The following SFMBT2 variants were observed in gnomAD, a reference collection of about 807,000 sequenced individuals.
SFMBT2 encodes Scm like with four mbt domains 2.
A neutral mutation model predicts 110.1 loss-of-function variants in SFMBT2; 38 were observed. That is an observed-to-expected ratio of 0.35 (90% CI 0.27 to 0.45). SFMBT2 has a LOEUF of 0.45. Among genes scored for constraint, SFMBT2 ranks in the 20% least tolerant of loss-of-function variants. The pLI, the probability that SFMBT2 is intolerant of heterozygous loss-of-function variation, is 1.00. For missense variants in SFMBT2, 1,011 were observed against 1,094.9 expected (o/e 0.92, Z 1.08); for synonymous variants, 425 against 425.4 (o/e 1.00, Z 0.01).
At chr10:7,273,716 G>A (rs937181885) in intron 7 of SFMBT2, among the ~76,000 whole-genome samples, 4 of 152,172 alleles carry the variant, frequency 2.6e-5, no homozygotes, top group South Asian at 2.1e-4. Context: ...AACATGCGGT[G>A]TTTGATTTTC....
intron 4 of SFMBT2, among the ~76,000 whole-genome samples, chr10:7,350,036 C>T (rs1844257914): frequency 6.6e-6 from 1 of 152,184 alleles, no homozygotes; most frequent in Non-Finnish European, 1.5e-5. Context: ...CCTCTCCAAG[C>T]TTGCTTCATT....
chr10:7,324,845 G>A (rs773298573), intron 4 of SFMBT2, among the ~76,000 whole-genome samples: 9 of 152,116 alleles, frequency 5.9e-5, no homozygotes, highest in Admixed American at 2.0e-4. Context: ...GAAGGGAGGC[G>A]GAGGGAGAGT....
chr10:7,228,915 A>G (rs1392230193), intron 9 of SFMBT2, among the ~76,000 whole-genome samples: 1 of 152,072 alleles, frequency 6.6e-6, no homozygotes, highest in Non-Finnish European at 1.5e-5. Flanking sequence ...ATTATACCTA[A>G]GAAAGGCATA....
rs544638181 is a variant in SFMBT2 at position 7,383,510 on chromosome 10, T to C, written c.-51-1561A>G. Among the ~76,000 whole-genome samples the C allele has an allele frequency of 2.0e-5, 3 of 152,294 alleles. No individual in the cohort carries two copies. The East Asian group carries it at 5.8e-4, about 29-fold the overall frequency. ...GCATTGAGCTATCCACCTGTTGTAT[T>C]TAACGTACTATACCAGACACTGTGG... On this transcript the variant is annotated intron_variant, in intron 1 of 20. Transcript: ENST00000397167.
At chr10:7,373,942 T>C (rs1845131944) in intron 2 of SFMBT2, among the ~76,000 whole-genome samples, 1 of 152,050 alleles carries the variant, frequency 6.6e-6, no homozygotes, top group African/African-American at 2.4e-5. Context: ...CAAGTTGTCC[T>C]GGGTGACTCC....
At position 7,171,371 on chromosome 10, in the gene SFMBT2, G is replaced by A; in HGVS notation, c.2416-315C>T. On this transcript the variant is annotated intron_variant, in intron 19 of 20. Coordinates refer to ENST00000397167, the MANE Select transcript of SFMBT2 (RefSeq NM_001387889.1). This position sits in a 1 kb window ranked among gnomAD's most constrained non-coding sequence, Gnocchi z 4.9. The stretch of plus-strand genomic sequence containing the variant: ...GCATCTCTGATTAGAGAAAAGAGGA[G>A]AAATACAAGGGGCACGTCCAAGCAG... 1 of 985,228 alleles carries A rather than the reference G, an allele frequency of 1.0e-6. No homozygotes were observed. The allele number at this position is 985,228 out of a possible 1,614,324, so 61.0% of individuals were successfully genotyped here.
intron 2 of SFMBT2, among the ~76,000 whole-genome samples, chr10:7,373,938 GTCCTGGGTGACTCCT>G (rs1845131884): frequency 6.6e-6 from 1 of 152,058 alleles, no homozygotes; most frequent in African/African-American, 2.4e-5. Flanking sequence ...GGGACAAGTT[GTCCTGGGTGACTCCT>G]TCCTGCAAAT....
At chr10:7,406,005 G>A (rs1846201882) in intron 1 of SFMBT2, among the ~76,000 whole-genome samples, 1 of 151,064 alleles carries the variant, frequency 6.6e-6, no homozygotes, top group Non-Finnish European at 1.5e-5. Context: ...AGGCAACATA[G>A]ATATAAGAAT....
At chr10:7,348,664 G>A (rs1243562585) in intron 4 of SFMBT2, among the ~76,000 whole-genome samples, 1 of 152,218 alleles carries the variant, frequency 6.6e-6, no homozygotes, top group Admixed American at 6.5e-5. Context: ...TAAGCCTCAT[G>A]TTGTATAATC....
At chr10:7,366,307 A>C (rs1327251327) in intron 4 of SFMBT2, among the ~76,000 whole-genome samples, 1 of 152,128 alleles carries the variant, frequency 6.6e-6, no homozygotes, top group East Asian at 1.9e-4. Flanking sequence ...ATGTCACATA[A>C]ATGCAACTCT....
intron 11 of SFMBT2, among the ~76,000 whole-genome samples, chr10:7,208,173 A>G (rs1318135411): frequency 6.6e-6 from 1 of 152,168 alleles, no homozygotes; most frequent in African/African-American, 2.4e-5. Context: ...TCCAATGTGG[A>G]AGTGCCTCTG....
At chr10:7,355,717 G>A (rs1009793613) in intron 4 of SFMBT2, among the ~76,000 whole-genome samples, 2 of 152,112 alleles carry the variant, frequency 1.3e-5, no homozygotes, top group African/African-American at 4.8e-5. Context: ...GAAGGCTGAG[G>A]CAGAGAACTG....
At chr10:7,395,283 GA>G (rs1310549527) in intron 1 of SFMBT2, among the ~76,000 whole-genome samples, 1 of 151,416 alleles carries the variant, frequency 6.6e-6, no homozygotes, top group South Asian at 2.1e-4. Context: ...CACCTTGGAG[GA>G]AAAAAAAAGA....
At chr10:7,349,387 A>T (rs1844228094) in intron 4 of SFMBT2, among the ~76,000 whole-genome samples, 1 of 139,962 alleles carries the variant, frequency 7.1e-6, no homozygotes, top group South Asian at 2.4e-4. Context: ...GCAGGACAGG[A>T]TGCAGTTTGG....
At chr10:7,354,903 T>C (rs1431107229) in intron 4 of SFMBT2, among the ~76,000 whole-genome samples, 1 of 152,236 alleles carries the variant, frequency 6.6e-6, no homozygotes, top group Non-Finnish European at 1.5e-5. Context: ...CTGGGTGTTC[T>C]GCTGATGGGC....
Position 7,316,672 on chromosome 10 carries a change from A to G in SFMBT2, c.437-30718T>C, listed in dbSNP as rs78766247. ...TCATTCCACACAAAATATGAAGAGA[A>G]GTCTCAAAGTCACTAGCATCGTGCC... On this transcript the variant is annotated intron_variant, in intron 4 of 20. Coordinates refer to ENST00000397167, the MANE Select transcript of SFMBT2 (RefSeq NM_001387889.1). 3.0e-4 allele frequency among the ~76,000 whole-genome samples: 46 copies of G among 152,334 alleles called. No individual in the cohort carries two copies. In the East Asian group the frequency reaches 7.7e-3, roughly 26 times the overall value.
intron 15 of SFMBT2, among the ~76,000 whole-genome samples, chr10:7,194,995 G>A (rs1313614492): frequency 3.9e-5 from 6 of 152,314 alleles, no homozygotes; most frequent in East Asian, 1.9e-4. Flanking sequence ...AACGGAACAC[G>A]TCACGTGAAA....
At chr10:7,206,585 T>C (rs1270243824) in intron 11 of SFMBT2, 6 of 985,060 alleles carry the variant, frequency 6.1e-6, no homozygotes, top group Non-Finnish European at 3.6e-6. Flanking sequence ...GTCACTTATG[T>C]AGCAATGTCT....
At chr10:7,248,504 T>C in intron 8 of SFMBT2, 44 bp downstream of exon 8, 1 of 1,507,854 alleles carries the variant, frequency 6.6e-7, no homozygotes, top group Non-Finnish European at 9.2e-7. Flanking sequence ...CTTAATTTGA[T>C]CCACTCTAGG....
Sources: allele counts gnomAD v4.1 joint callset (sites outside exome capture counted in the v4.1 genomes callset), GRCh38; gene constraint gnomAD v4.1.1; non-coding constraint Gnocchi (gnomAD v3.1); transcripts MANE v1.5; gene names NCBI Gene and HGNC (gene_info 2026-07-23, HGNC 2026-07-21).